Variants in EFCAB13 observed in about 807,000 individuals in gnomAD.
EFCAB13 encodes the protein EF-hand calcium-binding domain-containing protein 13.
A neutral mutation model predicts 110.2 loss-of-function variants in EFCAB13; 91 were observed. The ratio of observed to expected loss-of-function variants is 0.83; its 90% CI spans 0.70 to 0.98. EFCAB13 has a LOEUF of 0.98. EFCAB13 is among the 50% of genes least tolerant of loss of function. The pLI, the probability that EFCAB13 is intolerant of heterozygous loss-of-function variation, is 0.00. For synonymous variants in EFCAB13, 323 were observed against 369.9 expected (o/e 0.87, Z 1.45); for missense variants, 968 against 1,119.4 (o/e 0.86, Z 1.93).
chr17:47,423,563 G>A (rs1185360739), intron 23 of EFCAB13: 5 of 316,006 alleles, frequency 1.6e-5, no homozygotes, highest in Non-Finnish European at 2.9e-5. Context: ...GCCGGCTGCC[G>A]AGGGAACGCC....
At chr17:47,383,112 A>G (rs779275787) in intron 14 of EFCAB13, among the ~76,000 whole-genome samples, 2 of 151,980 alleles carry the variant, frequency 1.3e-5, no homozygotes, top group Non-Finnish European at 2.9e-5. Flanking sequence ...TTGTATTTCT[A>G]TGGGGTCAGT....
chr17:47,387,875 T>G (rs1290907794), intron 14 of EFCAB13, among the ~76,000 whole-genome samples: 2 of 152,364 alleles, frequency 1.3e-5, no homozygotes, highest in East Asian at 3.9e-4. Context: ...TGCATCTTTT[T>G]GTTACTAGAT....
At chr17:47,374,364 GA>G (rs2065601545) in intron 11 of EFCAB13, 107 bp from the exon 12 acceptor site, 2 of 1,024,990 alleles carry the variant, frequency 2.0e-6, no homozygotes, top group South Asian at 2.5e-5. Flanking sequence ...ATATGTTTAA[GA>G]AACTGATAAT....
At chr17:47,354,837 CTT>C (rs1426054472) in intron 9 of EFCAB13, among the ~76,000 whole-genome samples, 1 of 152,150 alleles carries the variant, frequency 6.6e-6, no homozygotes, top group Non-Finnish European at 1.5e-5. Context: ...CATTCTCTGT[CTT>C]TTAAGTGGAG....
rs574975022 is a variant in EFCAB13 at position 47,361,423 on chromosome 17, G to A, written c.707G>A (p.Arg236Gln). The A allele has an allele frequency of 6.2e-6, 10 of 1,613,660 alleles. No homozygotes were observed. Among genetic ancestry groups the A allele is most frequent in the South Asian group, 3.3e-5 (3 of 91,072 alleles). Residue 236 changes from arginine to glutamine, a missense_variant, in exon 10 of 25, where the codon CGA becomes CAA. Transcript: ENST00000331493. ...ATTTTCTGTAGGATAAAAGGTGGTC[G>A]AGTTTCAACTGATGACGTGTTTGCT... ...LKIFCRIKGG[R>Q]VSTDDVFAVL...
At chr17:47,339,699 C>CGAA (rs2065372657) in intron 5 of EFCAB13, among the ~76,000 whole-genome samples, 1 of 77,360 alleles carries the variant, frequency 1.3e-5, no homozygotes, top group Non-Finnish European at 2.7e-5. Context: ...GACTCCATCT[C>CGAA]AAAAAAAAAA....
intron 17 of EFCAB13, among the ~76,000 whole-genome samples, chr17:47,396,996 T>C (rs1024332858): frequency 1.3e-5 from 2 of 151,996 alleles, no homozygotes; most frequent in African/African-American, 4.8e-5. Flanking sequence ...TTTTATGAGA[T>C]ATGAAAATAA....
At chr17:47,352,812 T>G (rs2065460668) in intron 9 of EFCAB13, among the ~76,000 whole-genome samples, 1 of 152,230 alleles carries the variant, frequency 6.6e-6, no homozygotes, top group Admixed American at 6.5e-5. Context: ...TTTGGTTAAA[T>G]GTATTCCTAG....
rs184826279 is a variant in EFCAB13, at chr17:47,435,556, T to C, written c.2639-4875T>C. Among the ~76,000 whole-genome samples, 21 of 152,270 alleles carry C rather than the reference T, an allele frequency of 1.4e-4. No individual in the cohort carries two copies. The East Asian group carries it at 1.7e-3, about 13-fold the overall frequency. On this transcript the variant is annotated intron_variant, in intron 24 of 24. Transcript: ENST00000331493. Reference sequence around the variant, plus strand: ...TTGTTTTTGTTTTTTTTGCAGCTATTGTAAAAGGGGTTGAGTTCTTGATTT... The same window carrying C: ...TTGTTTTTGTTTTTTTTGCAGCTATCGTAAAAGGGGTTGAGTTCTTGATTT...
In EFCAB13 at chr17:47,374,502, T is replaced by G. The variant is rs1280648122; in HGVS notation, c.908T>G (p.Ile303Ser). 5 of 1,539,830 alleles carry G rather than the reference T, an allele frequency of 3.2e-6. No individual in the cohort carries two copies. The East Asian group carries it at 1.1e-4, about 35-fold the overall frequency. ...ACAGAAGGATCACCTTTGAATGAAA[T>G]TACTTCAGACAGAAAGTTATCAAGT... is the stretch of plus-strand genomic sequence containing the variant. ...SITEGSPLNEITSDRKLSSVA... is the reference protein window; with the variant it reads ...SITEGSPLNESTSDRKLSSVA... Residue 303 changes from isoleucine (I) to serine (S), a missense_variant, in exon 12 of 25, where the codon ATT (isoleucine) becomes AGT (serine). Coordinates refer to ENST00000331493, the MANE Select transcript of EFCAB13 (RefSeq NM_152347.5).
In EFCAB13 at chr17:47,370,046, A is replaced by G. The variant is rs930009650; in HGVS notation, c.806-391A>G. On this transcript the variant is annotated intron_variant, in intron 10 of 24. Coordinates refer to ENST00000331493, the MANE Select transcript of EFCAB13 (RefSeq NM_152347.5). ...AGTGATAAGAAGTAGGTACTTTGCG[A>G]GGCATTGGGGAAACAAAGGAAAAAC... The G allele has an allele frequency of 1.7e-4, 30 of 175,676 alleles. No homozygotes were observed. In the Admixed American group the frequency reaches 1.8e-3, roughly 10 times the overall value. The allele number at this position is 175,676 out of a possible 1,614,324, so 10.9% of individuals were successfully genotyped here.
At chr17:47,427,526 A>C (rs1453304010) in intron 23 of EFCAB13, among the ~76,000 whole-genome samples, 4 of 152,050 alleles carry the variant, frequency 2.6e-5, no homozygotes, top group African/African-American at 9.7e-5. Context: ...TTTTTAAAGA[A>C]GAGAACCTTA....
intron 20 of EFCAB13, among the ~76,000 whole-genome samples, chr17:47,407,192 TA>T (rs2065809475): frequency 6.6e-6 from 1 of 152,182 alleles, no homozygotes; most frequent in Non-Finnish European, 1.5e-5. Flanking sequence ...ACAGAATAAC[TA>T]GGGAAACTTT....
rs1905307672 is a variant in EFCAB13 at position 47,440,839 on chromosome 17, ACTAT to A, written c.*128_*131del. The A allele has an allele frequency of 4.0e-6, 3 of 757,640 alleles. No homozygotes were observed. The highest frequency in any genetic ancestry group is 5.0e-5 in the South Asian group (2 of 40,092). 46.9% of individuals were successfully genotyped at this position (757,640 alleles called of 1,614,324 possible). ...TGACAAATCCAGTAGAATTTTTATC[ACTAT>A]CTGTTATGTTCTCATGTATCTTCAG... On this transcript the variant is annotated 3_prime_UTR_variant, in exon 25 of 25. Transcript: ENST00000331493.
At chr17:47,370,389 T>C (rs1291922702) in intron 10 of EFCAB13, 48 bp from the exon 11 acceptor site, 5 of 1,254,748 alleles carry the variant, frequency 4.0e-6, no homozygotes, top group Non-Finnish European at 5.8e-6. Context: ...ATGGCAGATA[T>C]ATCTATGTTC....
At chr17:47,397,093 G>C (rs574311405) in intron 17 of EFCAB13, among the ~76,000 whole-genome samples, 1 of 141,416 alleles carries the variant, frequency 7.1e-6, no homozygotes, top group African/African-American at 2.6e-5. Context: ...TGCCATCTCG[G>C]CTCACTGCAA....
chr17:47,341,315 T>G (rs922117583), intron 5 of EFCAB13: 1 of 152,192 alleles, frequency 6.6e-6, no homozygotes, highest in Non-Finnish European at 1.5e-5. Context: ...GAATGGTGCC[T>G]GTATATTTGA....
intron 17 of EFCAB13, among the ~76,000 whole-genome samples, chr17:47,397,710 T>C (rs2065749848): frequency 6.7e-6 from 1 of 150,288 alleles, no homozygotes; most frequent in Admixed American, 6.6e-5. Flanking sequence ...CGCGACCCCA[T>C]CTGGGAGGTG....
intron 21 of EFCAB13, among the ~76,000 whole-genome samples, chr17:47,410,883 C>A (rs1027311854): frequency 2.0e-5 from 3 of 152,048 alleles, no homozygotes; most frequent in African/African-American, 7.2e-5. Context: ...TTTTTGTTTC[C>A]TTTGTTATAT....
Sources: gnomAD v4.1 joint callset for allele counts (sites outside exome capture counted in the v4.1 genomes callset) on GRCh38, gnomAD v4.1.1 for gene constraint, MANE v1.5 for transcripts, NCBI Gene and HGNC (gene_info 2026-07-23, HGNC 2026-07-21) for gene names.